The following FRMD6 variants were observed in gnomAD, a reference collection of about 807,000 sequenced individuals.
The protein encoded by FRMD6 is FERM domain-containing protein 6.
Under a neutral mutation model 73.2 loss-of-function variants are expected in FRMD6, and 37 were observed. The observed-to-expected ratio is 0.51, with a 90% CI of 0.39 to 0.66. The LOEUF is 0.66. Ranked by LOEUF, FRMD6 falls within the 30% of genes least tolerant of loss-of-function variation. The pLI is 0.00. For missense variants in FRMD6, 714 were observed against 780.5 expected (o/e 0.91, Z 1.02); for synonymous variants, 273 against 282.2 (o/e 0.97, Z 0.33).
chr14:51,446,996 T>A, the FRMD6 span, among the ~76,000 whole-genome samples: 1 of 152,186 alleles, frequency 6.6e-6, no homozygotes, highest in African/African-American at 2.4e-5. Context: ...CCACAATGGC[T>A]GTGAGGAAGT....
chr14:51,622,148 A>T (rs1195700855), intron 2 of FRMD6, among the ~76,000 whole-genome samples: 1 of 152,134 alleles, frequency 6.6e-6, no homozygotes, highest in African/African-American at 2.4e-5. Context: ...AGTGGCTAAG[A>T]CTTGTAGGAT....
At chr14:51,568,184 T>C (rs1887887411) in intron 1 of FRMD6, among the ~76,000 whole-genome samples, 1 of 152,258 alleles carries the variant, frequency 6.6e-6, no homozygotes, top group African/African-American at 2.4e-5. Context: ...GGTGATGTTG[T>C]TCCTTACAAG....
intron 2 of FRMD6, among the ~76,000 whole-genome samples, chr14:51,693,094 T>TG (rs1895715763): frequency 1.3e-5 from 2 of 152,112 alleles, no homozygotes; most frequent in South Asian, 4.1e-4. Flanking sequence ...AGTATGGAAG[T>TG]GAAAACACAT....
chr14:51,694,193 C>A (rs1348607379), intron 2 of FRMD6, among the ~76,000 whole-genome samples: 2 of 151,992 alleles, frequency 1.3e-5, no homozygotes, highest in African/African-American at 4.8e-5. Context: ...AATCATCAGG[C>A]AAATATGGAA....
intron 1 of FRMD6, among the ~76,000 whole-genome samples, chr14:51,522,231 G>A (rs577429398): frequency 6.6e-6 from 1 of 152,108 alleles, no homozygotes; most frequent in African/African-American, 2.4e-5. Context: ...TATGTAAAAT[G>A]TCTTATTTCT....
At chr14:51,555,217 G>A (rs906370660) in intron 1 of FRMD6, among the ~76,000 whole-genome samples, 1 of 152,224 alleles carries the variant, frequency 6.6e-6, no homozygotes, top group Non-Finnish European at 1.5e-5. Flanking sequence ...GACTATCACC[G>A]GGAGCATTCA....
intron 2 of FRMD6, among the ~76,000 whole-genome samples, chr14:51,613,056 G>A (rs981994240): frequency 1.3e-5 from 2 of 152,184 alleles, no homozygotes; most frequent in Admixed American, 6.5e-5. Flanking sequence ...ATATAGGAAG[G>A]AGAGTGGAGA....
At position 51,730,705 on chromosome 14, in the gene FRMD6, A is replaced by G. The variant is rs2140749130; in HGVS notation, c.*2676A>G. 1 of 152,370 alleles carries G rather than the reference A, an allele frequency of 6.6e-6. No homozygotes were observed. Among genetic ancestry groups the G allele is most frequent in the Admixed American group, 6.5e-5 (1 of 15,306 alleles). 9.4% of individuals were successfully genotyped at this position (152,370 alleles called of 1,614,324 possible). A position where few individuals can be genotyped will look rare whatever the true frequency, so the allele number is the denominator to read the frequency against. ...TTTCATGGTAAGATTAGCAGTCAATAAAGTTACTTTTTTGCCTTTAAATTG... is the reference window on the plus strand; with the variant it reads ...TTTCATGGTAAGATTAGCAGTCAATGAAGTTACTTTTTTGCCTTTAAATTG... On this transcript the variant is annotated 3_prime_UTR_variant, in exon 14 of 14. Transcript: ENST00000344768.
At chr14:51,528,795 G>A (rs542115368) in intron 1 of FRMD6, among the ~76,000 whole-genome samples, 20 of 152,270 alleles carry the variant, frequency 1.3e-4, no homozygotes, top group Admixed American at 1.2e-3. Context: ...AACCATGTCC[G>A]TGCAGAGAAA....
At chr14:51,429,940 T>C in the FRMD6 span, among the ~76,000 whole-genome samples, 36 of 152,268 alleles carry the variant, frequency 2.4e-4, no homozygotes, top group Non-Finnish European at 4.9e-4. Flanking sequence ...ACCCACCACC[T>C]TGGGGCAAAA....
rs542182870 is a variant in FRMD6, at chr14:51,670,828, G to C, written c.-147+18832G>C. Reference sequence around the variant, plus strand: ...TCCCGGCTAATTTTTTGTATTTTTAGTAGAGATGGGGTTTCGTCATGTTGG... The same window carrying C: ...TCCCGGCTAATTTTTTGTATTTTTACTAGAGATGGGGTTTCGTCATGTTGG... On this transcript the variant is annotated intron_variant, in intron 1 of 13. Coordinates refer to ENST00000344768, the MANE Select transcript of FRMD6 (RefSeq NM_001267046.2). 6.6e-5 allele frequency among the ~76,000 whole-genome samples: 10 copies of C among 152,122 alleles called. No individual in the cohort carries two copies. In the East Asian group the frequency reaches 1.9e-3, roughly 29 times the overall value.
the FRMD6 span, among the ~76,000 whole-genome samples, chr14:51,422,929 A>T: frequency 6.6e-6 from 1 of 152,192 alleles, no homozygotes; most frequent in Admixed American, 6.5e-5. Flanking sequence ...GACCAATGAG[A>T]TGTGAGCAGA....
chr14:51,415,043 G>T, the FRMD6 span, among the ~76,000 whole-genome samples: 1 of 152,188 alleles, frequency 6.6e-6, no homozygotes, highest in African/African-American at 2.4e-5. Context: ...AGCTTAAGGA[G>T]ATTTTGGGCT....
At chr14:51,450,942 A>T in the FRMD6 span, among the ~76,000 whole-genome samples, 1 of 152,178 alleles carries the variant, frequency 6.6e-6, no homozygotes, top group Non-Finnish European at 1.5e-5. Flanking sequence ...AGATCATCTG[A>T]GTGCACTGTG....
At chr14:51,635,472 A>C (rs1891517031) in intron 2 of FRMD6, among the ~76,000 whole-genome samples, 1 of 152,250 alleles carries the variant, frequency 6.6e-6, no homozygotes, top group Non-Finnish European at 1.5e-5. Context: ...CAGGAGCCCA[A>C]GTACTGGCAA....
At chr14:51,510,993 G>A (rs1046126924) in intron 1 of FRMD6, among the ~76,000 whole-genome samples, 2 of 151,208 alleles carry the variant, frequency 1.3e-5, no homozygotes, top group African/African-American at 2.4e-5. Flanking sequence ...CCCCGCCCCC[G>A]CCAAGAGGCC....
intron 2 of FRMD6, among the ~76,000 whole-genome samples, chr14:51,617,159 A>G (rs745518990): frequency 3.3e-5 from 5 of 152,226 alleles, no homozygotes; most frequent in Non-Finnish European, 7.3e-5. Context: ...TTTTGCATGT[A>G]ACACAGTGAG....
At chr14:51,585,845 T>A (rs554163735) in intron 2 of FRMD6, among the ~76,000 whole-genome samples, 3 of 150,646 alleles carry the variant, frequency 2.0e-5, no homozygotes, top group East Asian at 3.9e-4. Context: ...TCACTTAGGA[T>A]AATGGCTTCT....
At position 51,546,824 on chromosome 14, in the gene FRMD6, G is replaced by A. The variant is rs115942059; in HGVS notation, c.-209-23524G>A. 3.9e-5 allele frequency: 6 copies of A among 152,098 alleles called. No individual in the cohort carries two copies. The South Asian group carries it at 1.2e-3, about 32-fold the overall frequency. The allele number at this position is 152,098 out of a possible 1,614,324, so 9.4% of individuals were successfully genotyped here. On this transcript the variant is annotated intron_variant, in intron 1 of 14. Coordinates refer to the FRMD6 transcript ENST00000356218. ...ACTTCTGAAGCCATTAAAGACCCTA[G>A]TCATAAAGAGGCAAAAATAGAGATA...
Sources: gnomAD v4.1 joint callset for allele counts (sites outside exome capture counted in the v4.1 genomes callset) on GRCh38, gnomAD v4.1.1 for gene constraint, MANE v1.5 for transcripts, NCBI Gene and HGNC (gene_info 2026-07-23, HGNC 2026-07-21) for gene names.